SETBP1: variants seen among roughly 807,000 people sequenced by gnomAD.
The protein encoded by SETBP1 is SET-binding protein.
SETBP1 carries 9 observed loss-of-function variants against 101.0 expected under a neutral mutation model. That is an observed-to-expected ratio of 0.09 (90% CI 0.05 to 0.16). The LOEUF is 0.16. Among genes scored for constraint, SETBP1 ranks in the 10% least tolerant of loss-of-function variants. The probability of loss-of-function intolerance (pLI) is 1.00; values close to 1 mark genes in which losing one functional copy is unlikely to be tolerated. For synonymous variants in SETBP1, 818 were observed against 788.5 expected (o/e 1.04, Z -0.63); for missense variants, 1,858 against 2,033.8 (o/e 0.91, Z 1.66).
At chr18:44,844,353 G>GTGCA (rs1555689968) in intron 2 of SETBP1, among the ~76,000 whole-genome samples, 1 of 138,184 alleles carries the variant, frequency 7.2e-6, no homozygotes, top group Non-Finnish European at 1.6e-5. Context: ...ACACACGCGC[G>GTGCA]CACACACACA....
chr18:45,052,050 C>G (rs528808826), intron 5 of SETBP1, among the ~76,000 whole-genome samples: 5 of 152,366 alleles, frequency 3.3e-5, no homozygotes, highest in African/African-American at 4.8e-5. Context: ...CAGCTAGACT[C>G]TGTGCTGCTC....
At chr18:44,941,940 CCCTCCTGAT>C (rs1471262971) in intron 3 of SETBP1, among the ~76,000 whole-genome samples, 1 of 152,056 alleles carries the variant, frequency 6.6e-6, no homozygotes, top group East Asian at 1.9e-4. Context: ...TTGGATTTTA[CCCTCCTGAT>C]TGTGGGTCCC....
At chr18:44,715,328 C>T (rs1466992844) in intron 2 of SETBP1, among the ~76,000 whole-genome samples, 2 of 151,986 alleles carry the variant, frequency 1.3e-5, no homozygotes, top group African/African-American at 2.4e-5. Flanking sequence ...AGGCGTGGTA[C>T]GAAGTGATGG....
intron 3 of SETBP1, among the ~76,000 whole-genome samples, chr18:44,928,011 A>G (rs2070742863): frequency 1.3e-5 from 2 of 152,136 alleles, no homozygotes; most frequent in African/African-American, 4.8e-5. Flanking sequence ...TACATGTGCC[A>G]TGTTGGTGTG....
At chr18:45,011,421 G>T (rs145586933) in intron 4 of SETBP1, among the ~76,000 whole-genome samples, 1,982 of 152,274 alleles carry the variant, frequency 0.013, 16 homozygotes, top group South Asian at 0.029. Context: ...TATAGCAAGG[G>T]TGCATTCAAA....
At chr18:44,983,478 T>A (rs187400776) in intron 4 of SETBP1, among the ~76,000 whole-genome samples, 8 of 152,154 alleles carry the variant, frequency 5.3e-5, no homozygotes, top group African/African-American at 1.9e-4. Flanking sequence ...TCCAAGGTCA[T>A]AGAGCCCACA....
At chr18:45,040,101 A>G (rs1484177370) in intron 5 of SETBP1, among the ~76,000 whole-genome samples, 1 of 152,156 alleles carries the variant, frequency 6.6e-6, no homozygotes, top group Non-Finnish European at 1.5e-5. Context: ...ACTGTCTCCT[A>G]ACATCTCTTG....
In SETBP1 at chr18:45,046,745, A is replaced by G. The variant is rs117293476; in HGVS notation, c.4171+8090A>G. Among the ~76,000 whole-genome samples the G allele has an allele frequency of 8.7e-3, 1,319 of 152,334 alleles. 17 individuals carry two copies. The highest frequency in any genetic ancestry group is 0.031 in the Middle Eastern group (9 of 294). On this transcript the variant is annotated intron_variant, in intron 5 of 5. Transcript: ENST00000649279. Reference sequence around the variant, plus strand: ...CTAGGGCAGCAACCATTTGCTATTTAGATTTTGTCTCACTCAATAAGTATT... The same window carrying G: ...CTAGGGCAGCAACCATTTGCTATTTGGATTTTGTCTCACTCAATAAGTATT...
At chr18:44,740,608 G>A (rs2070075155) in intron 2 of SETBP1, among the ~76,000 whole-genome samples, 2 of 152,202 alleles carry the variant, frequency 1.3e-5, no homozygotes, top group South Asian at 4.1e-4. Flanking sequence ...CTCTGATCCT[G>A]TGCTTTTCCA....
At chr18:44,783,208 A>G (rs2071170748) in intron 2 of SETBP1, among the ~76,000 whole-genome samples, 1 of 152,226 alleles carries the variant, frequency 6.6e-6, no homozygotes, top group Non-Finnish European at 1.5e-5. Flanking sequence ...GATATTTTGC[A>G]TGTTTTGGGG....
At chr18:44,875,182 TA>T (rs1168066989) in intron 3 of SETBP1, among the ~76,000 whole-genome samples, 8 of 152,132 alleles carry the variant, frequency 5.3e-5, no homozygotes, top group Non-Finnish European at 1.0e-4. Flanking sequence ...GACTCAACTC[TA>T]AATGGACATC....
intron 4 of SETBP1, among the ~76,000 whole-genome samples, chr18:44,979,358 A>G (rs996513347): frequency 6.6e-6 from 1 of 152,232 alleles, no homozygotes; most frequent in Non-Finnish European, 1.5e-5. Flanking sequence ...ATTTCAAAGG[A>G]GCTGCCTTAC....
chr18:45,063,125 C>T lies in SETBP1; in HGVS notation c.4218C>T (p.Ala1406=). 1.2e-6 allele frequency: 2 copies of T among 1,614,048 alleles called. No homozygotes were observed. The highest frequency in any genetic ancestry group is 2.2e-5 in the East Asian group (1 of 44,852). The change falls in exon 6 of 6, where the codon GCC becomes GCT. Residue 1406 remains alanine, a synonymous_variant. Coordinates refer to ENST00000649279, the MANE Select transcript of SETBP1 (RefSeq NM_015559.3). ...GGTTCAAGCGGCGGGAGATCGAAGC[C>T]ATCCAGTGCGAAGTGCGGAAGATGT... ...KKRFKRREIE[A]IQCEVRKMCN...
intron 1 of SETBP1, among the ~76,000 whole-genome samples, chr18:44,700,862 C>T (rs1214440660): frequency 6.6e-6 from 1 of 152,184 alleles, no homozygotes; most frequent in African/African-American, 2.4e-5. Context: ...GTGACTCAGC[C>T]AGCTGAAGCT....
intron 2 of SETBP1, among the ~76,000 whole-genome samples, chr18:44,716,888 C>T (rs1329154524): frequency 1.3e-5 from 2 of 152,154 alleles, no homozygotes; most frequent in African/African-American, 4.8e-5. Flanking sequence ...TGTGGAACCC[C>T]TGAATCATAG....
chr18:44,885,416 T>C (rs1300647158), intron 3 of SETBP1, among the ~76,000 whole-genome samples: 1 of 152,128 alleles, frequency 6.6e-6, no homozygotes, highest in Non-Finnish European at 1.5e-5. Flanking sequence ...GAATCCTTTT[T>C]TCCTGGCACA....
At chr18:44,751,385 A>G (rs768292260) in intron 2 of SETBP1, among the ~76,000 whole-genome samples, 2 of 152,238 alleles carry the variant, frequency 1.3e-5, no homozygotes, top group Non-Finnish European at 2.9e-5. Flanking sequence ...GTAAGAAAGT[A>G]GATGAGAGAG....
intron 2 of SETBP1, among the ~76,000 whole-genome samples, chr18:44,818,844 G>A (rs1243381316): frequency 6.6e-6 from 1 of 151,504 alleles, no homozygotes; most frequent in Non-Finnish European, 1.5e-5. Flanking sequence ...ATCTCCCTCT[G>A]TGAAAACATG....
intron 2 of SETBP1, among the ~76,000 whole-genome samples, chr18:44,831,119 T>A (rs1223672393): frequency 1.3e-5 from 2 of 152,226 alleles, no homozygotes; most frequent in Non-Finnish European, 1.5e-5. Context: ...AGTTGTAAAC[T>A]TTGTAAATCC....
Sources: gnomAD v4.1 joint callset for allele counts (sites outside exome capture counted in the v4.1 genomes callset) on GRCh38, gnomAD v4.1.1 for gene constraint, MANE v1.5 for transcripts, NCBI Gene and HGNC (gene_info 2026-07-23, HGNC 2026-07-21) for gene names.